HDAC9: variants seen among roughly 807,000 people sequenced by gnomAD.
HDAC9 encodes histone deacetylase 9.
HDAC9 carries 41 observed loss-of-function variants against 139.4 expected under a neutral mutation model. The ratio of observed to expected loss-of-function variants is 0.29; its 90% CI spans 0.23 to 0.38. The LOEUF (loss-of-function observed/expected upper bound fraction) is 0.38, where lower values mean the gene tolerates loss of function less well. HDAC9 is among the 10% of genes least tolerant of loss of function. The probability of loss-of-function intolerance (pLI) is 1.00; values close to 1 mark genes in which losing one functional copy is unlikely to be tolerated. For missense variants in HDAC9, 1,147 were observed against 1,297.0 expected, an observed-to-expected ratio of 0.88 and a Z score of 1.78; for synonymous variants, 517 against 476.2, an observed-to-expected ratio of 1.09 and a Z score of -1.12.
intron 1 of HDAC9, among the ~76,000 whole-genome samples, chr7:18,406,744 G>T (rs1387625261): frequency 6.6e-6 from 1 of 151,780 alleles, no homozygotes; most frequent in African/African-American, 2.4e-5. Context: ...GCCTAATTTT[G>T]GTCTAGTAAC....
chr7:18,188,133 A>T (rs1286069329), intron 2 of HDAC9, among the ~76,000 whole-genome samples: 1 of 152,212 alleles, frequency 6.6e-6, no homozygotes, highest in African/African-American at 2.4e-5. Context: ...ACAGCATGGT[A>T]CTGGTACCAA....
intron 2 of HDAC9, among the ~76,000 whole-genome samples, chr7:18,272,406 A>G (rs1018614235): frequency 6.6e-6 from 1 of 152,180 alleles, no homozygotes; most frequent in African/African-American, 2.4e-5. Context: ...AGTAGGATGT[A>G]GGGATAATTT....
At chr7:18,136,048 G>A (rs1177121203) in intron 1 of HDAC9, among the ~76,000 whole-genome samples, 1 of 147,534 alleles carries the variant, frequency 6.8e-6, no homozygotes, top group East Asian at 2.0e-4. Context: ...TTTCTCTGAT[G>A]GCCAGTGATG....
intron 6 of HDAC9, among the ~76,000 whole-genome samples, chr7:18,622,923 C>T (rs184760685): frequency 2.2e-4 from 34 of 151,672 alleles, no homozygotes; most frequent in South Asian, 1.5e-3. Context: ...GCAAGCAGAA[C>T]GCTTGAGCCC....
At chr7:18,429,983 A>G (rs1159691932) in intron 1 of HDAC9, among the ~76,000 whole-genome samples, 1 of 152,240 alleles carries the variant, frequency 6.6e-6, no homozygotes. Flanking sequence ...AAGAACTCTT[A>G]CAGGCATTTC....
chr7:18,728,555 G>A (rs547960723), intron 13 of HDAC9, among the ~76,000 whole-genome samples: 1 of 152,058 alleles, frequency 6.6e-6, no homozygotes, highest in East Asian at 1.9e-4. Flanking sequence ...TCAAACTGTG[G>A]CTAATCAAAT....
intron 2 of HDAC9, among the ~76,000 whole-genome samples, chr7:18,516,797 G>T (rs1803343077): frequency 2.0e-5 from 3 of 149,450 alleles, no homozygotes; most frequent in Non-Finnish European, 4.4e-5. Flanking sequence ...GGAGGCAGAG[G>T]TTGCAGTAAG....
chr7:18,893,514 A>G (rs908938762), intron 22 of HDAC9, among the ~76,000 whole-genome samples: 20 of 152,284 alleles, frequency 1.3e-4, no homozygotes, highest in Non-Finnish European at 2.6e-4. Context: ...GCTGTCTAAA[A>G]TGGTACTCCC....
chr7:18,129,228 C>A (rs1489333288), intron 1 of HDAC9, among the ~76,000 whole-genome samples: 1 of 152,062 alleles, frequency 6.6e-6, no homozygotes, highest in Non-Finnish European at 1.5e-5. Flanking sequence ...TTCATTAACA[C>A]TGAAATTCTA....
intron 6 of HDAC9, among the ~76,000 whole-genome samples, chr7:18,609,639 T>C (rs1836530029): frequency 6.6e-6 from 1 of 152,038 alleles, no homozygotes; most frequent in African/African-American, 2.4e-5. Context: ...TATATATATA[T>C]TTTTATTTTA....
chr7:18,835,773 G>T (rs1007476905), intron 20 of HDAC9, 127 bp from the exon 21 acceptor site: 2 of 1,002,464 alleles, frequency 2.0e-6, no homozygotes, highest in Non-Finnish European at 3.0e-6. Flanking sequence ...GTCAGGGAAG[G>T]TTGGGCTGAT....
At chr7:18,936,491 T>A (rs1335561580) in intron 23 of HDAC9, among the ~76,000 whole-genome samples, 1 of 152,190 alleles carries the variant, frequency 6.6e-6, no homozygotes, top group East Asian at 1.9e-4. Flanking sequence ...ACCATTATAT[T>A]TTCTTTCACA....
At chr7:18,719,620 G>A (rs1584909826) in intron 12 of HDAC9, among the ~76,000 whole-genome samples, 1 of 152,270 alleles carries the variant, frequency 6.6e-6, no homozygotes, top group Non-Finnish European at 1.5e-5. Context: ...GATTACAGGT[G>A]TGAACCACCT....
intron 2 of HDAC9, among the ~76,000 whole-genome samples, chr7:18,555,279 A>T (rs1818448411): frequency 6.6e-6 from 1 of 152,196 alleles, no homozygotes; most frequent in Non-Finnish European, 1.5e-5. Context: ...TCTCCTAAGG[A>T]AACAATTCTA....
At chr7:18,698,699 C>T (rs1360147649) in intron 12 of HDAC9, among the ~76,000 whole-genome samples, 1 of 152,216 alleles carries the variant, frequency 6.6e-6, no homozygotes, top group Non-Finnish European at 1.5e-5. Context: ...TGCCTTGCGG[C>T]CACTGCCCTG....
chr7:18,732,763 A>ATGTGTGCGTATGTGTACACACACGTGTT (rs1786293299), intron 13 of HDAC9, among the ~76,000 whole-genome samples: 2 of 70,094 alleles, frequency 2.9e-5, no homozygotes, highest in Admixed American at 1.2e-4. Flanking sequence ...ACACACGTGT[A>ATGTGTGCGTATGTGTACACACACGTGTT]TGTGTGCGTA....
At chr7:18,744,213 A>T (rs1258002381) in intron 13 of HDAC9, among the ~76,000 whole-genome samples, 1 of 151,954 alleles carries the variant, frequency 6.6e-6, no homozygotes, top group Non-Finnish European at 1.5e-5. Context: ...GCTGGTCTTG[A>T]ACTCCTGACC....
At chr7:18,504,592 G>A (rs901299438) in intron 2 of HDAC9, among the ~76,000 whole-genome samples, 3 of 152,176 alleles carry the variant, frequency 2.0e-5, no homozygotes, top group Non-Finnish European at 2.9e-5. Context: ...GGCATGAGCC[G>A]CTGCGCCCAG....
chr7:18,864,020 G>T (rs1202911849), intron 21 of HDAC9, among the ~76,000 whole-genome samples: 2 of 152,156 alleles, frequency 1.3e-5, no homozygotes, highest in African/African-American at 4.8e-5. Flanking sequence ...TATGGCATTT[G>T]TATTATATGT....
Sources: allele counts gnomAD v4.1 joint callset (sites outside exome capture counted in the v4.1 genomes callset), GRCh38; gene constraint gnomAD v4.1.1; transcripts MANE v1.5; gene names NCBI Gene and HGNC (gene_info 2026-07-23, HGNC 2026-07-21).